Variants in NBPF9 observed in about 807,000 individuals in gnomAD.
The protein encoded by NBPF9 is NBPF family member NBPF9.
Under a neutral mutation model 97.8 loss-of-function variants are expected in NBPF9, and 91 were observed. That is an observed-to-expected ratio of 0.93 (90% CI 0.79 to 1.11). The LOEUF (loss-of-function observed/expected upper bound fraction) is 1.11, where lower values mean the gene tolerates loss of function less well. NBPF9 is among the 50% of genes least tolerant of loss of function. The pLI is 0.00. For synonymous variants in NBPF9, 334 were observed against 359.5 expected, an observed-to-expected ratio of 0.93 and a Z score of 0.80; for missense variants, 992 against 939.5, an observed-to-expected ratio of 1.06 and a Z score of -0.73.
At chr1:149,093,271 C>T (rs1299062478) in intron 4 of NBPF9, among the ~76,000 whole-genome samples, 19 of 151,908 alleles carry the variant, frequency 1.3e-4, no homozygotes, top group African/African-American at 2.9e-4. Flanking sequence ...AGTCCTAAGG[C>T]GGTTTTCTCC....
chr1:149,097,753 G>A (rs1420263230), intron 4 of NBPF9, among the ~76,000 whole-genome samples: 2 of 152,086 alleles, frequency 1.3e-5, no homozygotes, highest in Non-Finnish European at 2.9e-5. Flanking sequence ...CCAGAGCAGG[G>A]CATGGTACCT....
rs1468036022 is a variant in NBPF9 at position 149,083,009 on chromosome 1, C to T, written c.-194-579G>A. On this transcript the variant is annotated intron_variant, in intron 5 of 29. Transcript: ENST00000584027. The stretch of plus-strand genomic sequence containing the variant: ...TATTTTTAGTAGAGACGGGGTTTCA[C>T]TGTGTTAGCCACGATGGTCTCGATC... Among the ~76,000 whole-genome samples, 189 of 113,008 alleles carry T rather than the reference C, an allele frequency of 1.7e-3. 1 individual carries two copies. Among genetic ancestry groups the T allele is most frequent in the African/African-American group, 6.3e-3 (186 of 29,716 alleles). The allele number at this position is 113,008 out of a possible 152,430, so 74.1% of individuals were successfully genotyped here. A position where few individuals can be genotyped will look rare whatever the true frequency, so the allele number is the denominator to read the frequency against.
At chr1:149,082,712 A>G (rs1444127336) in intron 5 of NBPF9, among the ~76,000 whole-genome samples, 1 of 143,344 alleles carries the variant, frequency 7.0e-6, no homozygotes. Flanking sequence ...AACAGGTTAT[A>G]TTTTCTTAAT....
exon 18 of NBPF9, chr1:149,065,598 A>G: frequency 6.2e-7 from 1 of 1,608,540 alleles, no homozygotes; most frequent in Non-Finnish European, 8.5e-7. Flanking sequence ...GACTTGTACG[A>G]GGCCAACATT....
At chr1:149,088,248 T>C (rs1276928680) in intron 5 of NBPF9, among the ~76,000 whole-genome samples, 1 of 152,270 alleles carries the variant, frequency 6.6e-6, no homozygotes, top group African/African-American at 2.4e-5. Flanking sequence ...AGACCACTTA[T>C]ATTGAGAGCT....
chr1:149,057,738 C>CAA (rs1575821125), intron 27 of NBPF9, among the ~76,000 whole-genome samples: 78 of 102,506 alleles, frequency 7.6e-4, no homozygotes, highest in Non-Finnish European at 1.3e-3. Context: ...CACACACACA[C>CAA]ACACACACAC....
exon 4 of NBPF9, chr1:149,098,470 C>G: frequency 6.6e-7 from 1 of 1,522,972 alleles, no homozygotes; most frequent in Non-Finnish European, 8.9e-7. Flanking sequence ...ATTTGGCCCA[C>G]ACCGTGTGAG....
chr1:149,090,810 T>C, exon 5 of NBPF9: 1 of 572,990 alleles, frequency 1.7e-6, no homozygotes, highest in South Asian at 2.2e-5. Context: ...GCATTAACTT[T>C]GGATTCCCAA....
At chr1:149,077,041 C>T (rs1302738311) in intron 11 of NBPF9, among the ~76,000 whole-genome samples, 167 bp downstream of exon 11, 3 of 150,542 alleles carry the variant, frequency 2.0e-5, no homozygotes, top group Non-Finnish European at 4.5e-5. Flanking sequence ...GTCATCGTCC[C>T]ACTTGGGCCT....
At chr1:149,063,513 C>T in intron 20 of NBPF9, 120 bp downstream of exon 20, 2 of 701,442 alleles carry the variant, frequency 2.9e-6, no homozygotes, top group Non-Finnish European at 5.1e-6. Context: ...GTACATGTGC[C>T]TATAGGTCCT....
chr1:149,076,948 C>A (rs587735976), intron 11 of NBPF9, among the ~76,000 whole-genome samples: 1 of 151,212 alleles, frequency 6.6e-6, no homozygotes, highest in South Asian at 2.1e-4. Flanking sequence ...GCATGCAGCA[C>A]CATGCCTGCC....
intron 11 of NBPF9, among the ~76,000 whole-genome samples, chr1:149,076,467 G>C (rs1343396709): frequency 6.6e-6 from 1 of 150,448 alleles, no homozygotes; most frequent in Admixed American, 6.6e-5. Flanking sequence ...AAAGTGTTGG[G>C]ATTAAGATGT....
chr1:149,102,959 G>T (rs1288319623), intron 1 of NBPF9, 112 bp from the exon 2 acceptor site: 1 of 151,596 alleles, frequency 6.6e-6, no homozygotes, highest in Non-Finnish European at 1.5e-5. Context: ...CCGATTTCTG[G>T]CCTCGAGGGT....
At chr1:149,069,954 G>A (rs1439253126) in intron 16 of NBPF9, among the ~76,000 whole-genome samples, 1 of 131,994 alleles carries the variant, frequency 7.6e-6, no homozygotes, top group Non-Finnish European at 1.6e-5. Context: ...TTCTAAGAGT[G>A]TTGCTGCGAT....
At chr1:149,068,358 C>A (rs1176037937) in intron 17 of NBPF9, among the ~76,000 whole-genome samples, 19 of 151,384 alleles carry the variant, frequency 1.3e-4, no homozygotes, top group Non-Finnish European at 2.1e-4. Flanking sequence ...CAAGACCCAT[C>A]AGTGTGCTGT....
At position 149,060,892 on chromosome 1, in the gene NBPF9, G is replaced by GACACAC. The variant is rs1216159088; in HGVS notation, c.2304-203_2304-198dup. Reference sequence around the variant, plus strand: ...AAAGAATGAAAGAGAAAGACAGATAGACACACACACACACACACACACACA... The same window carrying GACACAC: ...AAAGAATGAAAGAGAAAGACAGATAGACACACACACACACACACACACACACACACA... On this transcript the variant is annotated intron_variant, in intron 23 of 29. Transcript: ENST00000584027. The GACACAC allele has an allele frequency of 1.8e-4, 58 of 327,844 alleles. 8 individuals are homozygous for GACACAC. Among genetic ancestry groups the GACACAC allele is most frequent in the East Asian group, 8.9e-4 (14 of 15,736 alleles). 20.3% of individuals were successfully genotyped at this position (327,844 alleles called of 1,614,324 possible). A position where few individuals can be genotyped will look rare whatever the true frequency, so the allele number is the denominator to read the frequency against.
At chr1:149,072,838 C>G (rs782092903) in exon 14 of NBPF9, 1 of 1,602,428 alleles carries the variant, frequency 6.2e-7, no homozygotes, top group African/African-American at 1.3e-5. Flanking sequence ...TGGAGATGCT[C>G]ATTCAATGAG....
At chr1:149,085,778 C>T (rs587685592) in intron 5 of NBPF9, among the ~76,000 whole-genome samples, 4 of 151,580 alleles carry the variant, frequency 2.6e-5, no homozygotes, top group South Asian at 4.2e-4. Flanking sequence ...GGCATAATTT[C>T]GGTACAACAG....
At chr1:149,079,409 G>A (rs1412636272) in intron 8 of NBPF9, among the ~76,000 whole-genome samples, 188 bp from the exon 9 acceptor site, 2 of 151,782 alleles carry the variant, frequency 1.3e-5, no homozygotes, top group African/African-American at 4.8e-5. Context: ...CTCTGTATCA[G>A]AGAGGGCTCC....
Sources: gnomAD v4.1 joint callset for allele counts (sites outside exome capture counted in the v4.1 genomes callset) on GRCh38, gnomAD v4.1.1 for gene constraint, MANE v1.5 for transcripts, NCBI Gene and HGNC (gene_info 2026-07-23, HGNC 2026-07-21) for gene names.